Variants in NAA25 observed in about 807,000 individuals in gnomAD.
NAA25 encodes the protein N-terminal acetyltransferase B complex subunit NAA25.
In NAA25, 30 loss-of-function variants were observed where a neutral mutation model predicts 132.5. The ratio of observed to expected loss-of-function variants is 0.23; its 90% confidence interval spans 0.17 to 0.31. The LOEUF (loss-of-function observed/expected upper bound fraction) is 0.31. NAA25 is among the 10% of genes least tolerant of loss of function. The pLI is 1.00. For missense variants in NAA25, 771 were observed against 1,150.4 expected (o/e 0.67, Z 4.77); for synonymous variants, 359 against 401.9 (o/e 0.89, Z 1.28).
At chr12:112,073,607 T>C (rs1367119502) in intron 9 of NAA25, among the ~76,000 whole-genome samples, 9 of 152,124 alleles carry the variant, frequency 5.9e-5, no homozygotes, top group African/African-American at 2.2e-4. Flanking sequence ...CAGCTAATTT[T>C]TTGTATTTTT....
chr12:112,062,965 C>T (rs930756327), intron 11 of NAA25, among the ~76,000 whole-genome samples: 2 of 151,616 alleles, frequency 1.3e-5, no homozygotes, highest in African/African-American at 4.8e-5. Context: ...GAGGCTGAGG[C>T]GGGAGGATGA....
Position 112,027,913 on chromosome 12 carries a change from T to TTA in NAA25, c.*1617_*1618insTA, listed in dbSNP as rs2078104214. On this transcript the variant is annotated 3_prime_UTR_variant, in exon 24 of 24. Coordinates refer to ENST00000261745, the MANE Select transcript of NAA25 (RefSeq NM_024953.4). ...TTTTGGGATAGGGTATATGACCAGC[T>TTA]GTTGCTACTCATATCAAAAATAAAT... 1 of 152,228 alleles carries TTA rather than the reference T, an allele frequency of 6.6e-6. No homozygotes were observed. The highest frequency in any genetic ancestry group is 1.9e-4 in the East Asian group (1 of 5,200). 9.4% of individuals were successfully genotyped at this position (152,228 alleles called of 1,614,324 possible).
chr12:112,094,840 A>G (rs2079189099), intron 1 of NAA25, among the ~76,000 whole-genome samples: 1 of 151,928 alleles, frequency 6.6e-6, no homozygotes, highest in Non-Finnish European at 1.5e-5. Flanking sequence ...TGGTATTTTT[A>G]CTAGAGATGA....
At chr12:112,107,656 A>G (rs1341576181) in intron 1 of NAA25, among the ~76,000 whole-genome samples, 1 of 152,040 alleles carries the variant, frequency 6.6e-6, no homozygotes, top group East Asian at 1.9e-4. Context: ...CGCTCCCAAA[A>G]CGATTCCCAC....
rs917454220 is a variant in NAA25, at chr12:112,037,518, G to A, written c.2649+1711C>T. On this transcript the variant is annotated intron_variant, in intron 22 of 23. Coordinates refer to ENST00000261745, the MANE Select transcript of NAA25 (RefSeq NM_024953.4). Reference sequence around the variant, plus strand: ...TGGGTGAAGGGCCATTGGGAAATAGGATATTCATAGACTCAAGCATTATCC... The same window carrying A: ...TGGGTGAAGGGCCATTGGGAAATAGAATATTCATAGACTCAAGCATTATCC... 2.7e-5 allele frequency: 4 copies of A among 146,740 alleles called. No homozygotes were observed. The East Asian group carries it at 8.4e-4, about 31-fold the overall frequency. 9.1% of individuals were successfully genotyped at this position (146,740 alleles called of 1,614,324 possible).
At chr12:112,085,932 G>A (rs546351614) in intron 4 of NAA25, among the ~76,000 whole-genome samples, 3 of 134,040 alleles carry the variant, frequency 2.2e-5, no homozygotes, top group South Asian at 2.6e-4. Context: ...CAGAAGAATC[G>A]CTTGAACCCG....
At chr12:112,053,480 G>A in intron 15 of NAA25, 78 bp downstream of exon 15, 1 of 1,039,936 alleles carries the variant, frequency 9.6e-7, no homozygotes. Context: ...ATGTGTACTT[G>A]TGACATGTGG....
rs1227479389 is a variant in NAA25, at chr12:112,086,071, TATACACAC to T, written c.402+1604_402+1611del. Among the ~76,000 whole-genome samples, 366 of 53,624 alleles carry T rather than the reference TATACACAC, an allele frequency of 6.8e-3. 5 individuals carry two copies. The highest frequency in any genetic ancestry group is 0.046 in the African/African-American group (339 of 7,306). The allele number at this position is 53,624 out of a possible 152,430, so 35.2% of individuals were successfully genotyped here. A position where few individuals can be genotyped will look rare whatever the true frequency, so the allele number is the denominator to read the frequency against. The stretch of plus-strand genomic sequence containing the variant: ...AAAAAAATATATATATATATATATA[TATACACAC>T]ACACACACACACACACACACACACC... On this transcript the variant is annotated intron_variant, in intron 4 of 23. Coordinates refer to ENST00000261745, the MANE Select transcript of NAA25 (RefSeq NM_024953.4).
At chr12:112,107,142 C>T (rs991631875) in intron 1 of NAA25, among the ~76,000 whole-genome samples, 4 of 151,982 alleles carry the variant, frequency 2.6e-5, no homozygotes, top group African/African-American at 9.7e-5. Flanking sequence ...CAACTGTAAT[C>T]TCAGCTACTC....
chr12:112,043,639 C>T lies in NAA25; in HGVS notation c.2236G>A (p.Glu746Lys). ...ATTGATGGTACCTGAATATCCTTCTCAATAAATCGCTTTCCTGTCTCCAGG... is the reference window on the plus strand; with the variant it reads ...ATTGATGGTACCTGAATATCCTTCTTAATAAATCGCTTTCCTGTCTCCAGG... ...ATLETGKRFIEKDIQYPFLGP... is the reference protein window; with the variant it reads ...ATLETGKRFIKKDIQYPFLGP... The change falls in exon 18 of 24, where the codon GAG (glutamate) becomes AAG (lysine). Residue 746 changes from glutamate to lysine, a missense_variant. This residue lies in a region of NAA25 where 324 missense variants were observed against 400.0 expected (regional missense o/e 0.81). Transcript: ENST00000261745. The T allele has an allele frequency of 2.5e-6, 4 of 1,614,120 alleles. No individual in the cohort carries two copies. In the South Asian group the frequency reaches 3.3e-5, roughly 13 times the overall value.
At chr12:112,035,282 TAGA>T (rs1279488666) in intron 22 of NAA25, 2 of 151,904 alleles carry the variant, frequency 1.3e-5, no homozygotes, top group Non-Finnish European at 1.5e-5. Flanking sequence ...AAGCTTTCAT[TAGA>T]AGGAGAGCAA....
At position 112,060,378 on chromosome 12, in the gene NAA25, A is replaced by G. The variant is rs186959681; in HGVS notation, c.1358-19T>C. ...GTTTTCCCTATGGGGGAAAAAAATC[A>G]TATCTATTTTAACATTTGTTCAACT... is the stretch of plus-strand genomic sequence containing the variant. On this transcript the variant is annotated intron_variant, in intron 12 of 23. Coordinates refer to ENST00000261745, the MANE Select transcript of NAA25 (RefSeq NM_024953.4). 7.2e-6 allele frequency: 11 copies of G among 1,532,954 alleles called. No homozygotes were observed. The highest frequency in any genetic ancestry group is 4.5e-5 in the South Asian group (4 of 88,732). The allele number at this position is 1,532,954 out of a possible 1,614,324, so 95.0% of individuals were successfully genotyped here.
At chr12:112,037,105 C>T (rs1436543785) in intron 22 of NAA25, among the ~76,000 whole-genome samples, 5 of 151,334 alleles carry the variant, frequency 3.3e-5, no homozygotes, top group African/African-American at 1.2e-4. Context: ...CCAGAAAGCG[C>T]CCTAAAACTG....
At chr12:112,095,963 C>T (rs2079207718) in intron 1 of NAA25, among the ~76,000 whole-genome samples, 1 of 152,094 alleles carries the variant, frequency 6.6e-6, no homozygotes, top group Non-Finnish European at 1.5e-5. Context: ...GAAGCCTAAA[C>T]TATTTACGGA....
intron 4 of NAA25, among the ~76,000 whole-genome samples, chr12:112,082,799 G>A (rs2078992303): frequency 7.6e-6 from 1 of 131,394 alleles, no homozygotes; most frequent in Non-Finnish European, 1.7e-5. Flanking sequence ...GGGGTGGGGG[G>A]TGCGGGGTGT....
chr12:112,047,388 C>T (rs923878400), intron 17 of NAA25, among the ~76,000 whole-genome samples: 1 of 151,968 alleles, frequency 6.6e-6, no homozygotes, highest in South Asian at 2.1e-4. Flanking sequence ...CACGCCACCA[C>T]GCCCAGGTAA....
chr12:112,030,943 A>AT lies in NAA25; in HGVS notation c.2797-1291_2797-1290insA, dbSNP rs1191512168. Reference sequence around the variant, plus strand: ...CTCTTGAATATAAAACTGAATTTAAAATTTTTTTTTTTTTTTAAAAGAGGC... The same window carrying AT: ...CTCTTGAATATAAAACTGAATTTAAATATTTTTTTTTTTTTTTAAAAGAGGC... On this transcript the variant is annotated intron_variant, in intron 23 of 23. Coordinates refer to ENST00000261745, the MANE Select transcript of NAA25 (RefSeq NM_024953.4). Among the ~76,000 whole-genome samples, 360 of 140,832 alleles carry AT rather than the reference A, an allele frequency of 2.6e-3. 1 individual carries two copies. The highest frequency in any genetic ancestry group is 4.1e-3 in the African/African-American group (136 of 33,480). 92.4% of individuals were successfully genotyped at this position (140,832 alleles called of 152,430 possible). A position where few individuals can be genotyped will look rare whatever the true frequency, so the allele number is the denominator to read the frequency against.
chr12:112,078,615 T>A lies in NAA25; in HGVS notation c.585+19A>T. 1 of 1,593,128 alleles carries A rather than the reference T, an allele frequency of 6.3e-7. No individual in the cohort carries two copies. Among genetic ancestry groups the A allele is most frequent in the Non-Finnish European group, 8.6e-7 (1 of 1,163,356 alleles). ...TAGCAAAAAAATGAAAACACAAAAG[T>A]AAGGCTTAAAATACTCACTTCAGCC... On this transcript the variant is annotated intron_variant, in intron 6 of 23. Transcript: ENST00000261745.
At chr12:112,100,470 TTTTAG>T (rs1300718038) in intron 1 of NAA25, among the ~76,000 whole-genome samples, 11 of 151,812 alleles carry the variant, frequency 7.2e-5, no homozygotes, top group Non-Finnish European at 1.2e-4. Context: ...CTTGCTTCCC[TTTTAG>T]TTTAAAGGTT....
Sources: allele counts gnomAD v4.1 joint callset (sites outside exome capture counted in the v4.1 genomes callset), GRCh38; gene constraint gnomAD v4.1.1; regional missense constraint gnomAD v4.1.1; transcripts MANE v1.5; gene names NCBI Gene and HGNC (gene_info 2026-07-23, HGNC 2026-07-21).